The following SLC18A1 variants were observed in gnomAD, a reference collection of about 807,000 sequenced individuals.
SLC18A1 encodes the protein solute carrier family 18 member A1.
A neutral mutation model predicts 53.7 loss-of-function variants in SLC18A1; 69 were observed. That is an observed-to-expected ratio of 1.28 (90% CI 1.06 to 1.57). The LOEUF is 1.57. Among genes scored for constraint, SLC18A1 ranks in the 40% most tolerant of loss-of-function variants. The probability of loss-of-function intolerance (pLI) is 0.00; values close to 1 mark genes in which losing one functional copy is unlikely to be tolerated. For synonymous variants in SLC18A1, 320 were observed against 248.1 expected (o/e 1.29, Z -2.72); for missense variants, 932 against 668.1 (o/e 1.40, Z -4.35).
intron 4 of SLC18A1, among the ~76,000 whole-genome samples, chr8:20,177,962 AC>A (rs1253934462): frequency 6.6e-6 from 1 of 152,168 alleles, no homozygotes; most frequent in Non-Finnish European, 1.5e-5. Flanking sequence ...AAAGCCCTTA[AC>A]TGAAAAGCAG....
intron 10 of SLC18A1, among the ~76,000 whole-genome samples, chr8:20,155,496 C>A (rs898896415): frequency 6.6e-6 from 1 of 152,138 alleles, no homozygotes; most frequent in African/African-American, 2.4e-5. Flanking sequence ...CGAAGGCCGA[C>A]TAGAGGCAGA....
chr8:20,173,141 T>C lies in SLC18A1; in HGVS notation c.632-13A>G, dbSNP rs925684809. 1 of 1,557,574 alleles carries C rather than the reference T, an allele frequency of 6.4e-7. No homozygotes were observed. The highest frequency in any genetic ancestry group is 1.4e-5 in the African/African-American group (1 of 73,384). On this transcript the variant is annotated splice_polypyrimidine_tract_variant and intron_variant, in intron 5 of 15. Transcript: ENST00000276373. ...AGCATTCCAAGACCTGCGCAGAGAG[T>C]TACAGATGCAGCTGGCCCCCTGGGG...
chr8:20,152,392 A>C (rs567450693), intron 10 of SLC18A1, among the ~76,000 whole-genome samples: 12 of 152,338 alleles, frequency 7.9e-5, no homozygotes, highest in African/African-American at 2.9e-4. Flanking sequence ...TGCAGAATCC[A>C]AGAGAAAAGT....
rs200275814 is a variant in SLC18A1, at chr8:20,171,468, A to G, written c.751T>C (p.Tyr251His). Reference protein sequence around the residue: ...LVGAPFGSVMYEFVGKSAPFL... With the variant: ...LVGAPFGSVMHEFVGKSAPFL... ...GGTGCAGACTTCCCAACAAACTCGT[A>G]CATTACACTTCCAAAGGGAGCTCCC... is the stretch of plus-strand genomic sequence containing the variant. The change falls in exon 7 of 16, where the codon TAC becomes CAC. Residue 251 changes from tyrosine to histidine, a missense_variant. By Grantham distance (83) the Tyr-to-His change is moderately conservative. Coordinates refer to ENST00000276373, the MANE Select transcript of SLC18A1 (RefSeq NM_003053.4). 4 of 1,614,156 alleles carry G rather than the reference A, an allele frequency of 2.5e-6. No homozygotes were observed. The highest frequency in any genetic ancestry group is 3.4e-6 in the Non-Finnish European group (4 of 1,180,008).
intron 6 of SLC18A1, 53 bp downstream of exon 6, chr8:20,172,983 G>C: frequency 7.5e-7 from 1 of 1,327,272 alleles, no homozygotes; most frequent in Non-Finnish European, 1.1e-6. Flanking sequence ...GGGAACACCT[G>C]CTTCCTAGAG....
Position 20,179,316 on chromosome 8 carries a change from C to T in SLC18A1, c.293G>A (p.Ser98Asn). 2 of 1,614,024 alleles carry T rather than the reference C, an allele frequency of 1.2e-6. No homozygotes were observed. Among genetic ancestry groups the T allele is most frequent in the Non-Finnish European group, 1.7e-6 (2 of 1,180,016 alleles). ...NTVAVEESVP[S>N]GIAWMNDTAS... ...AGTGTCATTCATCCATGCTATTCCACTAGGTACGCTTTCTTCAACAGCCAC... is the reference window on the plus strand; with the variant it reads ...AGTGTCATTCATCCATGCTATTCCATTAGGTACGCTTTCTTCAACAGCCAC... Residue 98 changes from serine to asparagine, a missense_variant, in exon 3 of 16, where the codon AGT becomes AAT. Transcript: ENST00000276373.
At position 20,171,955 on chromosome 8, in the gene SLC18A1, G is replaced by T. The variant is rs190180000; in HGVS notation, c.725-461C>A. ...AAAAAGAAGAAAGCGGGTGTTAGCA[G>T]AGTATGAATATTTGCGAGGAGAAAA... On this transcript the variant is annotated intron_variant, in intron 6 of 15. Transcript: ENST00000276373. 5.6e-4 allele frequency among the ~76,000 whole-genome samples: 85 copies of T among 152,344 alleles called. 1 individual carries two copies. The highest frequency in any genetic ancestry group is 2.0e-3 in the African/African-American group (83 of 41,580).
At chr8:20,175,329 C>A (rs1047175772) in intron 4 of SLC18A1, 1 of 152,148 alleles carries the variant, frequency 6.6e-6, no homozygotes, top group Non-Finnish European at 1.5e-5. Context: ...CTCACAGGGT[C>A]CTGAGTCGAC....
intron 12 of SLC18A1, 68 bp from the exon 13 acceptor site, chr8:20,148,138 T>C: frequency 7.2e-7 from 1 of 1,381,594 alleles, no homozygotes; most frequent in Non-Finnish European, 1.0e-6. Flanking sequence ...GTTCAAAGAG[T>C]TTTCACATGA....
In SLC18A1 at chr8:20,147,287, G is replaced by A. The variant is rs147512321; in HGVS notation, c.1435C>T (p.Arg479Trp). ...TTCTCTTCCTTTGCCGGGGGGCTCC[G>A]CAGGTAGTAGCAGAGTGGAGCATAG... ...IVYAPLCYYL[R>W]SPPAKEEKLA... The change falls in exon 15 of 16, where the codon CGG (arginine) becomes TGG (tryptophan). Residue 479 changes from arginine to tryptophan, a missense_variant. Transcript: ENST00000276373. 94 of 1,609,184 alleles carry A rather than the reference G, an allele frequency of 5.8e-5. No homozygotes were observed. In the East Asian group the frequency reaches 1.4e-3, roughly 24 times the overall value.
At chr8:20,171,532 G>T (rs753765251) in intron 6 of SLC18A1, 38 bp from the exon 7 acceptor site, 8 of 1,504,286 alleles carry the variant, frequency 5.3e-6, no homozygotes, top group Non-Finnish European at 7.4e-6. Flanking sequence ...CAGAGGTGAG[G>T]GTGAGTCCTT....
At chr8:20,154,676 A>G (rs1430337959) in intron 10 of SLC18A1, among the ~76,000 whole-genome samples, 1 of 152,222 alleles carries the variant, frequency 6.6e-6, no homozygotes, top group Non-Finnish European at 1.5e-5. Flanking sequence ...CTTGCTGATG[A>G]CAAGTCCAGG....
rs763824942 is a variant in SLC18A1, at chr8:20,164,871, A to C, written c.1013T>G (p.Leu338Arg). Residue 338 changes from leucine to arginine, a missense_variant and splice_region_variant, in exon 10 of 16, where the codon CTG becomes CGG. Leu to Arg is a moderately radical substitution (Grantham distance 102). Coordinates refer to ENST00000276373, the MANE Select transcript of SLC18A1 (RefSeq NM_003053.4). ...GCGGGGGTGCTGAGGTCACTTACCC[A>C]GCTGCCACTTGGGGGAGCACATGGT... ...MQTMCSPKWQ[L>R]GLAFLPASVS... The C allele has an allele frequency of 6.2e-7, 1 of 1,607,418 alleles. No individual in the cohort carries two copies. The highest frequency in any genetic ancestry group is 8.5e-7 in the Non-Finnish European group (1 of 1,174,878).
intron 9 of SLC18A1, 39 bp downstream of exon 9, chr8:20,165,008 A>G (rs1352659422): frequency 6.2e-7 from 1 of 1,613,860 alleles, no homozygotes; most frequent in Non-Finnish European, 8.5e-7. Context: ...CTTGAAGCCC[A>G]GACACTCCCC....
intron 10 of SLC18A1, among the ~76,000 whole-genome samples, chr8:20,153,935 C>A (rs2071621214): frequency 6.6e-6 from 1 of 152,072 alleles, no homozygotes; most frequent in Non-Finnish European, 1.5e-5. Flanking sequence ...AAAGGTGGGG[C>A]TGAGTGGGAG....
intron 10 of SLC18A1, among the ~76,000 whole-genome samples, chr8:20,156,857 T>C (rs532677849): frequency 2.4e-4 from 36 of 152,312 alleles, no homozygotes; most frequent in African/African-American, 8.2e-4. Context: ...TGAAATGAAT[T>C]TGCATAAGAA....
At chr8:20,164,822 C>A (rs1446166680) in intron 10 of SLC18A1, 47 bp downstream of exon 10, 5 of 1,455,158 alleles carry the variant, frequency 3.4e-6, no homozygotes, top group Non-Finnish European at 4.7e-6. Flanking sequence ...CTCATGGCAC[C>A]CACCTCCTCC....
intron 1 of SLC18A1, among the ~76,000 whole-genome samples, chr8:20,182,420 G>A (rs1191303600): frequency 1.3e-5 from 2 of 152,152 alleles, no homozygotes; most frequent in Non-Finnish European, 2.9e-5. Flanking sequence ...ATTAAACTGT[G>A]TTTTCAACTT....
intron 1 of SLC18A1, among the ~76,000 whole-genome samples, chr8:20,182,410 A>G (rs1397013795): frequency 6.6e-6 from 1 of 152,254 alleles, no homozygotes; most frequent in Non-Finnish European, 1.5e-5. Context: ...AAAAAGGGAA[A>G]TTAAACTGTG....
Sources: allele counts gnomAD v4.1 joint callset (sites outside exome capture counted in the v4.1 genomes callset), GRCh38; gene constraint gnomAD v4.1.1; transcripts MANE v1.5; gene names NCBI Gene and HGNC (gene_info 2026-07-23, HGNC 2026-07-21).